The following SGCD variants were observed in gnomAD, a reference collection of about 807,000 sequenced individuals.
The protein encoded by SGCD is delta-sarcoglycan.
A neutral mutation model predicts 36.6 loss-of-function variants in SGCD; 18 were observed. The observed-to-expected ratio is 0.49, with a 90% CI of 0.34 to 0.73. The LOEUF is 0.73. Among genes scored for constraint, SGCD ranks in the 30% least tolerant of loss-of-function variants. SGCD has a pLI of 0.01. For missense variants in SGCD, 387 were observed against 346.7 expected, an observed-to-expected ratio of 1.12 and a Z score of -0.92; for synonymous variants, 133 against 130.6, an observed-to-expected ratio of 1.02 and a Z score of -0.12.
At chr5:156,067,735 C>G (rs1441272951) in intron 1 of SGCD, among the ~76,000 whole-genome samples, 1 of 133,366 alleles carries the variant, frequency 7.5e-6, no homozygotes, top group South Asian at 2.2e-4. Flanking sequence ...TTCTTTGACT[C>G]GGAAAGGGAA....
the SGCD span, among the ~76,000 whole-genome samples, chr5:155,839,721 T>C: frequency 6.6e-6 from 1 of 152,186 alleles, no homozygotes; most frequent in Non-Finnish European, 1.5e-5. Context: ...GGCTAAAGCT[T>C]TCTAATTAGA....
intron 3 of SGCD, among the ~76,000 whole-genome samples, chr5:156,141,348 C>T (rs1031234003): frequency 3.9e-5 from 6 of 152,074 alleles, no homozygotes; most frequent in African/African-American, 1.4e-4. Context: ...ACCCCAAGAC[C>T]CCAGAACTAT....
intron 7 of SGCD, among the ~76,000 whole-genome samples, chr5:156,713,409 T>C (rs1426066492): frequency 7.7e-6 from 1 of 129,302 alleles, no homozygotes; most frequent in African/African-American, 3.2e-5. Flanking sequence ...TTTGAACATG[T>C]CGGGGGGGGC....
intron 3 of SGCD, among the ~76,000 whole-genome samples, chr5:156,377,462 T>C (rs1056072004): frequency 1.3e-5 from 2 of 152,216 alleles, no homozygotes; most frequent in African/African-American, 4.8e-5. Flanking sequence ...AAGTAATGAT[T>C]TGTTATAATT....
intron 1 of SGCD, among the ~76,000 whole-genome samples, chr5:156,027,619 A>C (rs1759252408): frequency 6.6e-6 from 1 of 152,114 alleles, no homozygotes; most frequent in African/African-American, 2.4e-5. Context: ...AACCTCACAC[A>C]TGGTAGGTAC....
chr5:155,884,307 C>A (rs933265223), intron 1 of SGCD, among the ~76,000 whole-genome samples: 35 of 152,272 alleles, frequency 2.3e-4, no homozygotes, highest in African/African-American at 8.4e-4. Flanking sequence ...GATGTATAAT[C>A]TGATTAGTGG....
chr5:156,319,651 G>T (rs879929763), intron 3 of SGCD, among the ~76,000 whole-genome samples: 1 of 152,168 alleles, frequency 6.6e-6, no homozygotes, highest in Non-Finnish European at 1.5e-5. Context: ...TCATCTCCTA[G>T]AATCACAATC....
intron 3 of SGCD, among the ~76,000 whole-genome samples, chr5:156,401,706 C>A (rs183005392): frequency 6.6e-5 from 10 of 152,154 alleles, no homozygotes; most frequent in Non-Finnish European, 1.3e-4. Context: ...ATAGCCCCTA[C>A]AGTCTAGTGA....
intron 1 of SGCD, among the ~76,000 whole-genome samples, chr5:156,039,816 C>A (rs1759592097): frequency 6.6e-6 from 1 of 151,984 alleles, no homozygotes; most frequent in Non-Finnish European, 1.5e-5. Flanking sequence ...GATGTATTTG[C>A]AGAAAAGCTT....
At chr5:155,876,578 A>G (rs898933655) in intron 1 of SGCD, among the ~76,000 whole-genome samples, 2 of 151,990 alleles carry the variant, frequency 1.3e-5, no homozygotes, top group African/African-American at 4.8e-5. Context: ...AGAAGCAAAT[A>G]CTGTATTTGT....
At chr5:156,447,780 G>A (rs368151573) in intron 3 of SGCD, among the ~76,000 whole-genome samples, 37 of 152,162 alleles carry the variant, frequency 2.4e-4, no homozygotes, top group East Asian at 1.2e-3. Context: ...ACAAACCTGC[G>A]CATCCTGCAC....
upstream of SGCD, among the ~76,000 whole-genome samples, chr5:155,865,640 A>G (rs368660632): frequency 7.2e-5 from 11 of 152,232 alleles, no homozygotes; most frequent in East Asian, 3.8e-4. Context: ...TTGTAACATT[A>G]CACATTGGTC....
chr5:155,816,613 GT>G, the SGCD span, among the ~76,000 whole-genome samples: 1 of 152,154 alleles, frequency 6.6e-6, no homozygotes, highest in Non-Finnish European at 1.5e-5. Flanking sequence ...ACTGTAATTA[GT>G]TTTGGGTATA....
At chr5:156,701,994 T>G (rs1754546502) in intron 7 of SGCD, among the ~76,000 whole-genome samples, 1 of 152,162 alleles carries the variant, frequency 6.6e-6, no homozygotes, top group South Asian at 2.1e-4. Flanking sequence ...AGTCTTATAT[T>G]GTCAGATTAT....
intron 2 of SGCD, 98 bp from the exon 3 acceptor site, chr5:156,344,391 C>A: frequency 1.2e-6 from 1 of 806,818 alleles, no homozygotes; most frequent in Non-Finnish European, 1.9e-6. Context: ...CAGCAGCCAG[C>A]CATATCTCTT....
At chr5:156,027,346 G>A (rs1278558642) in intron 1 of SGCD, among the ~76,000 whole-genome samples, 1 of 152,104 alleles carries the variant, frequency 6.6e-6, no homozygotes, top group Non-Finnish European at 1.5e-5. Context: ...ATGAAGAAAG[G>A]GTTTAAAAGT....
At chr5:155,751,389 T>A in the SGCD span, among the ~76,000 whole-genome samples, 8 of 152,314 alleles carry the variant, frequency 5.3e-5, no homozygotes, top group Admixed American at 3.9e-4. Flanking sequence ...GTTTGTGGCA[T>A]AGATTTTATT....
chr5:156,536,744 A>T (rs914224678), intron 4 of SGCD, among the ~76,000 whole-genome samples: 1 of 152,190 alleles, frequency 6.6e-6, no homozygotes, highest in African/African-American at 2.4e-5. Flanking sequence ...ATTAAGAGAC[A>T]AAACGCAGTC....
intron 1 of SGCD, among the ~76,000 whole-genome samples, chr5:155,914,105 A>C (rs1222769663): frequency 6.6e-6 from 1 of 152,210 alleles, no homozygotes; most frequent in Non-Finnish European, 1.5e-5. Context: ...ATTTGGTCTC[A>C]GTGCTAGTGA....
Sources: gnomAD v4.1 joint callset for allele counts (sites outside exome capture counted in the v4.1 genomes callset) on GRCh38, gnomAD v4.1.1 for gene constraint, MANE v1.5 for transcripts, NCBI Gene and HGNC (gene_info 2026-07-23, HGNC 2026-07-21) for gene names.